LUZP2: variants seen among roughly 807,000 people sequenced by gnomAD.
LUZP2 encodes leucine zipper protein 2.
A neutral mutation model predicts 51.6 loss-of-function variants in LUZP2; 52 were observed. The observed-to-expected ratio is 1.01, with a 90% confidence interval of 0.81 to 1.27. The LOEUF (loss-of-function observed/expected upper bound fraction) is 1.27. LUZP2 is among the 50% of genes most tolerant of loss of function. LUZP2 has a pLI of 0.00. For missense variants in LUZP2, 436 were observed against 395.4 expected (o/e 1.10, Z -0.87); for synonymous variants, 154 against 137.3 (o/e 1.12, Z -0.85).
intron 5 of LUZP2, among the ~76,000 whole-genome samples, chr11:24,781,690 C>T (rs946197106): frequency 4.6e-5 from 7 of 151,868 alleles, no homozygotes; most frequent in African/African-American, 7.3e-5. Flanking sequence ...AAATTGCAAA[C>T]GAGCTGCTAT....
chr11:24,510,889 C>T (rs941804951), intron 1 of LUZP2, among the ~76,000 whole-genome samples: 5 of 152,146 alleles, frequency 3.3e-5, no homozygotes, highest in African/African-American at 1.2e-4. Flanking sequence ...ATGACCCCAG[C>T]TCCTTCCAGC....
intron 1 of LUZP2, among the ~76,000 whole-genome samples, chr11:24,672,960 C>T (rs1212484040): frequency 2.0e-5 from 3 of 152,186 alleles, no homozygotes; most frequent in African/African-American, 4.8e-5. Context: ...GCATTAGATA[C>T]TCATAAGAGC....
intron 5 of LUZP2, among the ~76,000 whole-genome samples, chr11:24,869,769 C>A (rs939108401): frequency 2.0e-5 from 3 of 152,106 alleles, no homozygotes; most frequent in African/African-American, 7.2e-5. Context: ...TCAGGGGTCC[C>A]TATTACCAGA....
chr11:24,955,694 A>G (rs1457941547), intron 7 of LUZP2, among the ~76,000 whole-genome samples: 2 of 152,026 alleles, frequency 1.3e-5, no homozygotes, highest in Non-Finnish European at 2.9e-5. Context: ...ATTCTAAACT[A>G]ATTTCATGAC....
chr11:24,715,500 G>T (rs930875559), intron 1 of LUZP2, among the ~76,000 whole-genome samples: 1 of 151,956 alleles, frequency 6.6e-6, no homozygotes, highest in Non-Finnish European at 1.5e-5. Context: ...AGATTATATT[G>T]CTTGCTGATT....
intron 1 of LUZP2, among the ~76,000 whole-genome samples, chr11:24,541,342 C>T (rs539358743): frequency 5.5e-4 from 83 of 150,794 alleles, no homozygotes; most frequent in Non-Finnish European, 7.4e-4. Flanking sequence ...CGTATCATTG[C>T]TGGCTGCTTG....
At chr11:24,828,938 T>G (rs1850618505) in intron 5 of LUZP2, among the ~76,000 whole-genome samples, 1 of 151,984 alleles carries the variant, frequency 6.6e-6, no homozygotes, top group Non-Finnish European at 1.5e-5. Context: ...GACCAGGGAG[T>G]AACCCTGGGT....
chr11:24,705,207 A>AT (rs1565088347), intron 1 of LUZP2, among the ~76,000 whole-genome samples: 3 of 152,148 alleles, frequency 2.0e-5, no homozygotes, highest in Non-Finnish European at 2.9e-5. Flanking sequence ...TTCTTTTTAT[A>AT]TTTTTTATTT....
At chr11:25,003,294 G>A (rs970279262) in intron 9 of LUZP2, among the ~76,000 whole-genome samples, 1 of 152,172 alleles carries the variant, frequency 6.6e-6, no homozygotes, top group African/African-American at 2.4e-5. Context: ...AAACCCTTGG[G>A]GCAAGATGGT....
At chr11:24,658,478 GA>G (rs1321977300) in intron 1 of LUZP2, among the ~76,000 whole-genome samples, 1 of 152,104 alleles carries the variant, frequency 6.6e-6, no homozygotes, top group African/African-American at 2.4e-5. Context: ...AACCCTAGAA[GA>G]AAACCTAGGC....
At chr11:24,935,377 C>A (rs983396928) in intron 7 of LUZP2, among the ~76,000 whole-genome samples, 2 of 152,108 alleles carry the variant, frequency 1.3e-5, no homozygotes, top group Non-Finnish European at 2.9e-5. Flanking sequence ...GAACTGGTTT[C>A]TTTAAATACT....
chr11:24,716,014 C>G (rs11028115), intron 1 of LUZP2, among the ~76,000 whole-genome samples: 6 of 151,916 alleles, frequency 3.9e-5, no homozygotes, highest in Non-Finnish European at 7.4e-5. Flanking sequence ...GTCCACTACA[C>G]CTATATTTCT....
intron 5 of LUZP2, among the ~76,000 whole-genome samples, chr11:24,880,918 T>C (rs1358536555): frequency 6.6e-6 from 1 of 152,194 alleles, no homozygotes; most frequent in Non-Finnish European, 1.5e-5. Context: ...CTTTCAAATG[T>C]ATCTGTACTA....
intron 1 of LUZP2, among the ~76,000 whole-genome samples, chr11:24,678,226 G>GC (rs1856630401): frequency 6.6e-6 from 1 of 151,972 alleles, no homozygotes; most frequent in Non-Finnish European, 1.5e-5. Context: ...ACAATCAATG[G>GC]CCCATAGTAA....
At chr11:24,820,739 T>TA (rs1175433610) in intron 5 of LUZP2, among the ~76,000 whole-genome samples, 27 of 152,246 alleles carry the variant, frequency 1.8e-4, no homozygotes, top group African/African-American at 6.5e-4. Context: ...ATTTGGGTGT[T>TA]ACGGTGTTAT....
At chr11:24,818,161 T>C (rs1850240865) in intron 5 of LUZP2, among the ~76,000 whole-genome samples, 1 of 152,034 alleles carries the variant, frequency 6.6e-6, no homozygotes, top group African/African-American at 2.4e-5. Flanking sequence ...GTGGAAATGT[T>C]TTCAAAAAAT....
intron 5 of LUZP2, among the ~76,000 whole-genome samples, chr11:24,821,846 G>A (rs1850368724): frequency 6.6e-6 from 1 of 150,872 alleles, no homozygotes; most frequent in Admixed American, 6.6e-5. Context: ...TTCACTGGAT[G>A]ACAATGACAT....
chr11:24,817,120 T>C (rs767320327), intron 5 of LUZP2, among the ~76,000 whole-genome samples: 9 of 152,066 alleles, frequency 5.9e-5, no homozygotes, highest in Non-Finnish European at 1.2e-4. Flanking sequence ...TTATTAACAA[T>C]GCTCCTCTGA....
chr11:24,915,127 A>C (rs1307229802), intron 7 of LUZP2, among the ~76,000 whole-genome samples: 1 of 152,124 alleles, frequency 6.6e-6, no homozygotes, highest in Admixed American at 6.6e-5. Flanking sequence ...ATACAAAGAG[A>C]CTATGAAGTT....
Sources: allele counts gnomAD v4.1 joint callset (sites outside exome capture counted in the v4.1 genomes callset), GRCh38; gene constraint gnomAD v4.1.1; transcripts MANE v1.5; gene names NCBI Gene and HGNC (gene_info 2026-07-23, HGNC 2026-07-21).